The following PTGES3 variants were observed in gnomAD, a reference collection of about 807,000 sequenced individuals.
PTGES3 encodes the protein prostaglandin E synthase 3, also known as Hsp90 co-chaperone.
PTGES3 carries 5 observed loss-of-function variants against 29.9 expected under a neutral mutation model. The ratio of observed to expected loss-of-function variants is 0.17; its 90% confidence interval spans 0.09 to 0.35. The LOEUF (loss-of-function observed/expected upper bound fraction) is 0.35, where lower values mean the gene tolerates loss of function less well. PTGES3 is among the 10% of genes least tolerant of loss of function. The pLI is 1.00. For missense variants in PTGES3, 128 were observed against 190.0 expected (o/e 0.67, Z 1.92); for synonymous variants, 49 against 57.8 (o/e 0.85, Z 0.69).
chr12:56,673,800 A>G (rs887586861), intron 1 of PTGES3, among the ~76,000 whole-genome samples: 2 of 151,302 alleles, frequency 1.3e-5, no homozygotes, highest in Non-Finnish European at 3.0e-5. Flanking sequence ...AAAAAAAAAA[A>G]AAAAAAAAAA....
chr12:56,675,005 A>T (rs959200238), intron 1 of PTGES3, among the ~76,000 whole-genome samples: 13 of 37,706 alleles, frequency 3.4e-4, no homozygotes, highest in Non-Finnish European at 5.3e-4. Context: ...ACTCGGTCTC[A>T]AAAAAAAAAA....
chr12:56,676,693 T>C (rs532727211), intron 1 of PTGES3, among the ~76,000 whole-genome samples: 16 of 151,988 alleles, frequency 1.1e-4, no homozygotes, highest in African/African-American at 2.2e-4. Flanking sequence ...TCCCAGCACT[T>C]TGGGAGGCCA....
At chr12:56,667,429 T>C (rs1951830917) in intron 5 of PTGES3, among the ~76,000 whole-genome samples, 1 of 152,132 alleles carries the variant, frequency 6.6e-6, no homozygotes, top group Non-Finnish European at 1.5e-5. Context: ...GAAAGGACCT[T>C]AAAAAGATAG....
At position 56,688,115 on chromosome 12, in the gene PTGES3, C is replaced by G; in HGVS notation, c.-116G>C. ...TCCGCTTTTTCTCTCCGGTCGCGGC[C>G]TCTTCTCGCTTCCCTCAGGCGACGG... is the stretch of plus-strand genomic sequence containing the variant. On this transcript the variant is annotated 5_prime_UTR_variant, in exon 1 of 8. Coordinates refer to ENST00000262033, the MANE Select transcript of PTGES3 (RefSeq NM_006601.7). 7.0e-7 allele frequency: 1 copy of G among 1,421,816 alleles called. No individual in the cohort carries two copies. Among genetic ancestry groups the G allele is most frequent in the Non-Finnish European group, 9.2e-7 (1 of 1,089,766 alleles). 88.1% of individuals were successfully genotyped at this position (1,421,816 alleles called of 1,614,324 possible).
At chr12:56,687,180 C>T (rs1952914124) in intron 1 of PTGES3, 4 of 1,044,430 alleles carry the variant, frequency 3.8e-6, no homozygotes, top group Non-Finnish European at 4.7e-6. Flanking sequence ...TTTGGGACGA[C>T]TGTAGGTTAA....
chr12:56,667,751 A>G (rs1182672281), intron 5 of PTGES3, among the ~76,000 whole-genome samples: 1 of 152,224 alleles, frequency 6.6e-6, no homozygotes, highest in East Asian at 1.9e-4. Context: ...GCATAGTTCC[A>G]GAGACCTACT....
chr12:56,672,993 C>T lies in PTGES3; in HGVS notation c.75G>A (p.Lys25=). 6.2e-7 allele frequency: 1 copy of T among 1,608,724 alleles called. No homozygotes were observed. Among genetic ancestry groups the T allele is most frequent in the Non-Finnish European group, 8.5e-7 (1 of 1,178,644 alleles). ...ATTTTTCAAAATTTACATTAACATC[C>T]TTACTGTCTTCAACACAAAATTCAA... ...VFIEFCVEDS[K]DVNVNFEKSK... Residue 25 remains lysine (K), a synonymous_variant, in exon 2 of 8, where the codon AAG becomes AAA. Coordinates refer to ENST00000262033, the MANE Select transcript of PTGES3 (RefSeq NM_006601.7).
At chr12:56,669,609 C>T (rs538975542) in intron 5 of PTGES3, among the ~76,000 whole-genome samples, 64 of 151,636 alleles carry the variant, frequency 4.2e-4, no homozygotes, top group African/African-American at 1.5e-3. Flanking sequence ...AACAGTTTAT[C>T]GTTCTGCATT....
intron 1 of PTGES3, among the ~76,000 whole-genome samples, chr12:56,677,343 A>G (rs1592265555): frequency 6.6e-6 from 1 of 151,958 alleles, no homozygotes. Context: ...ACATAAAATA[A>G]CTCGCTAGGA....
chr12:56,664,800 C>A lies in PTGES3; in HGVS notation c.439G>T (p.Asp147Tyr). The change falls in exon 7 of 8, where the codon GAT becomes TAT. Residue 147 changes from aspartate (D) to tyrosine (Y), a missense_variant and splice_region_variant. Coordinates refer to ENST00000262033, the MANE Select transcript of PTGES3 (RefSeq NM_006601.7). Reference protein sequence around the residue: ...DLPEVDGADDDSQDSDDEKMP... With the variant: ...DLPEVDGADDYSQDSDDEKMP... Reference sequence around the variant, plus strand: ...CTTTCATCATCACTGTCTTGTGAATCCTGAAAGAGGGAAAATAAAGTTACC... The same window carrying A: ...CTTTCATCATCACTGTCTTGTGAATACTGAAAGAGGGAAAATAAAGTTACC... 1 of 1,597,306 alleles carries A rather than the reference C, an allele frequency of 6.3e-7. No homozygotes were observed. Among genetic ancestry groups the A allele is most frequent in the Non-Finnish European group, 8.6e-7 (1 of 1,168,210 alleles).
chr12:56,683,429 T>C lies in PTGES3; in HGVS notation c.2+4569A>G, dbSNP rs116931531. On this transcript the variant is annotated intron_variant, in intron 1 of 7. Coordinates refer to ENST00000262033, the MANE Select transcript of PTGES3 (RefSeq NM_006601.7). ...CGGAGGTTGCGGTGAGCCGAGACCG[T>C]GACATTGCACTTCAGCCTGGGCAAC... 5.1e-4 allele frequency among the ~76,000 whole-genome samples: 60 copies of C among 116,892 alleles called. 1 individual carries two copies. In the East Asian group the frequency reaches 0.012, roughly 24 times the overall value. 76.7% of individuals were successfully genotyped at this position (116,892 alleles called of 152,430 possible).
chr12:56,683,473 CAAAAAAAAAAAA>C (rs71081388), intron 1 of PTGES3, among the ~76,000 whole-genome samples: 16 of 29,760 alleles, frequency 5.4e-4, no homozygotes, highest in South Asian at 2.4e-3. Context: ...AACTCTGTCT[CAAAAAAAAAAAA>C]AAAAAAAAAA....
At chr12:56,683,978 A>C (rs1217844334) in intron 1 of PTGES3, among the ~76,000 whole-genome samples, 1 of 151,794 alleles carries the variant, frequency 6.6e-6, no homozygotes, top group East Asian at 1.9e-4. Context: ...AAAACAAAAA[A>C]AACAAACAAA....
chr12:56,687,368 C>A (rs1374661312), intron 1 of PTGES3: 3 of 987,786 alleles, frequency 3.0e-6, no homozygotes, highest in Non-Finnish European at 3.6e-6. Flanking sequence ...GTTTTGGCAA[C>A]CTCCCGTGTT....
chr12:56,687,493 G>A (rs930249565), intron 1 of PTGES3: 3 of 994,476 alleles, frequency 3.0e-6, no homozygotes, highest in Non-Finnish European at 3.6e-6. Flanking sequence ...TTGCCTAGCA[G>A]TACCTGCAGC....
chr12:56,684,241 TAGTC>T (rs572911752), intron 1 of PTGES3, among the ~76,000 whole-genome samples: 116 of 152,248 alleles, frequency 7.6e-4, no homozygotes, highest in African/African-American at 2.4e-3. Context: ...AAAATCCAAT[TAGTC>T]AGGAGAATCT....
chr12:56,674,574 C>A (rs1187469200), intron 1 of PTGES3, among the ~76,000 whole-genome samples: 1 of 152,002 alleles, frequency 6.6e-6, no homozygotes, highest in Non-Finnish European at 1.5e-5. Flanking sequence ...CGCCCATAAT[C>A]CCAGCACTTT....
At chr12:56,666,795 T>A (rs1229525016) in intron 5 of PTGES3, among the ~76,000 whole-genome samples, 4 of 152,018 alleles carry the variant, frequency 2.6e-5, no homozygotes, top group African/African-American at 9.7e-5. Context: ...CCCAACTAAT[T>A]TTTTGTATTT....
chr12:56,687,515 T>C (rs1338608730), intron 1 of PTGES3: 2 of 998,816 alleles, frequency 2.0e-6, no homozygotes, highest in Non-Finnish European at 2.4e-6. Flanking sequence ...CACGGCGAGG[T>C]CCGCGTGGGG....
Sources: allele counts gnomAD v4.1 joint callset (sites outside exome capture counted in the v4.1 genomes callset), GRCh38; gene constraint gnomAD v4.1.1; transcripts MANE v1.5; gene names NCBI Gene and HGNC (gene_info 2026-07-23, HGNC 2026-07-21).